RGL2: variants seen among roughly 807,000 people sequenced by gnomAD.
The protein encoded by RGL2 is ral guanine nucleotide dissociation stimulator like 2.
RGL2 carries 40 observed loss-of-function variants against 84.6 expected under a neutral mutation model. The observed-to-expected ratio is 0.47, with a 90% CI of 0.37 to 0.62. RGL2 has a LOEUF of 0.62. Ranked by LOEUF, RGL2 falls within the 20% of genes least tolerant of loss-of-function variation. The pLI is 0.00. For synonymous variants in RGL2, 369 were observed against 417.3 expected, an observed-to-expected ratio of 0.88 and a Z score of 1.41; for missense variants, 865 against 1,019.7, an observed-to-expected ratio of 0.85 and a Z score of 2.07.
Position 33,295,570 on chromosome 6 carries a change from T to C in RGL2, c.958A>G (p.Ile320Val). Residue 320 changes from isoleucine to valine, a missense_variant, in exon 7 of 18, where the codon ATA becomes GTA. Transcript: ENST00000497454. This position sits in a 1 kb window ranked among gnomAD's most constrained non-coding sequence, Gnocchi z 7.2. The stretch of plus-strand genomic sequence containing the variant: ...CTCTGTGGGGGACGGAGTGGCCGTA[T>C]GGTCACCTCCCCAGGTCCCTCTCCA... Reference protein sequence around the residue: ...STGEGPGEVTIRPLRPPQRAR... With the variant: ...STGEGPGEVTVRPLRPPQRAR... 1.2e-6 allele frequency: 2 copies of C among 1,613,958 alleles called. No individual in the cohort carries two copies. Among genetic ancestry groups the C allele is most frequent in the South Asian group, 1.1e-5 (1 of 91,090 alleles).
At position 33,298,696 on chromosome 6, in the gene RGL2, G is replaced by C. The variant is rs1281611123; in HGVS notation, c.-41-45C>G. 2.3e-5 allele frequency: 21 copies of C among 923,398 alleles called. No individual in the cohort carries two copies. Among genetic ancestry groups the C allele is most frequent in the African/African-American group, 5.3e-5 (3 of 56,754 alleles). 57.2% of individuals were successfully genotyped at this position (923,398 alleles called of 1,614,324 possible). A position where few individuals can be genotyped will look rare whatever the true frequency, so the allele number is the denominator to read the frequency against. ...GGTGGGGGTGGAGAGTCAGGCAGGC[G>C]CGGGGGAACCGGGCAGGGAAGGGAC... On this transcript the variant is annotated intron_variant, in intron 1 of 17. Coordinates refer to ENST00000497454, the MANE Select transcript of RGL2 (RefSeq NM_004761.5). This position sits in a 1 kb window ranked among gnomAD's most constrained non-coding sequence, Gnocchi z 4.8.
In RGL2 at chr6:33,291,921, C is replaced by A; in HGVS notation, c.*181G>T. 1 of 656,100 alleles carries A rather than the reference C, an allele frequency of 1.5e-6. No individual in the cohort carries two copies. Among genetic ancestry groups the A allele is most frequent in the Non-Finnish European group, 2.6e-6 (1 of 379,154 alleles). The allele number at this position is 656,100 out of a possible 1,614,324, so 40.6% of individuals were successfully genotyped here. ...AGGTATCCAACTTGGTTATAAGACA[C>A]CAGTTCCCACAGGGCTGGATTTCTC... is the stretch of plus-strand genomic sequence containing the variant. On this transcript the variant is annotated 3_prime_UTR_variant, in exon 18 of 18. Coordinates refer to ENST00000497454, the MANE Select transcript of RGL2 (RefSeq NM_004761.5).
rs58283032 is a variant in RGL2 at position 33,294,788 on chromosome 6, G to A, written c.1279-26C>T. The A allele has an allele frequency of 0.011, 17,785 of 1,611,672 alleles. 1,567 individuals are homozygous for A. The African/African-American group carries it at 0.2, about 18-fold the overall frequency. ...CTGAAGTCAGGGGTCAGGGTCAGAA[G>A]TGCCTGCCATTGACGTGAGGGCCCT... On this transcript the variant is annotated intron_variant, in intron 10 of 17. Coordinates refer to ENST00000497454, the MANE Select transcript of RGL2 (RefSeq NM_004761.5). This position sits in a 1 kb window ranked among gnomAD's most constrained non-coding sequence, Gnocchi z 5.0.
In RGL2 at chr6:33,293,528, C is replaced by A; in HGVS notation, c.1605-4G>T. The A allele has an allele frequency of 6.2e-7, 1 of 1,613,328 alleles. No individual in the cohort carries two copies. Among genetic ancestry groups the A allele is most frequent in the Non-Finnish European group, 8.5e-7 (1 of 1,179,602 alleles). Reference sequence around the variant, plus strand: ...GACCCCAACAGAGCCCAAAACCCTGCAGTGGCAGGAGATTGGGAGGATCAG... The same window carrying A: ...GACCCCAACAGAGCCCAAAACCCTGAAGTGGCAGGAGATTGGGAGGATCAG... On this transcript the variant is annotated splice_region_variant and splice_polypyrimidine_tract_variant and intron_variant, in intron 14 of 17. Transcript: ENST00000497454. This position sits in a 1 kb window ranked among gnomAD's most constrained non-coding sequence, Gnocchi z 7.0.
rs1199899458 is a variant in RGL2, at chr6:33,296,815, C to T, written c.241-39G>A. 1 of 1,611,086 alleles carries T rather than the reference C, an allele frequency of 6.2e-7. No homozygotes were observed. The highest frequency in any genetic ancestry group is 8.5e-7 in the Non-Finnish European group (1 of 1,177,490). Reference sequence around the variant, plus strand: ...AGAGATGATCGCTAACCCTTTCTCCCACTCTGCACCTAGATTTCTGAGGAC... The same window carrying T: ...AGAGATGATCGCTAACCCTTTCTCCTACTCTGCACCTAGATTTCTGAGGAC... On this transcript the variant is annotated intron_variant, in intron 3 of 17. Coordinates refer to ENST00000497454, the MANE Select transcript of RGL2 (RefSeq NM_004761.5). This position sits in a 1 kb window ranked among gnomAD's most constrained non-coding sequence, Gnocchi z 5.0.
upstream of RGL2, chr6:33,301,161 C>T (rs531146303): frequency 3.4e-4 from 52 of 152,448 alleles, 2 homozygotes; most frequent in South Asian, 1.9e-3. Flanking sequence ...AACCCACATA[C>T]CCAAAAGCTT....
Position 33,292,271 on chromosome 6 carries a change from T to A in RGL2, c.2165A>T (p.Asp722Val). 6.2e-7 allele frequency: 1 copy of A among 1,614,164 alleles called. No homozygotes were observed. Among genetic ancestry groups the A allele is most frequent in the South Asian group, 1.1e-5 (1 of 91,082 alleles). ...PASANVFYAM[D>V]GASHDFLLRQ... The stretch of plus-strand genomic sequence containing the variant: ...CAGGAGGAAATCGTGTGAAGCTCCA[T>A]CCATGGCGTAGAATACATTAGCCGA... Residue 722 changes from aspartate to valine, a missense_variant, in exon 18 of 18, where the codon GAT becomes GTT. By Grantham distance (152) the Asp-to-Val change is radical (BLOSUM62 -3). This residue lies in a region of RGL2 where 302 missense variants were observed against 327.9 expected (regional missense o/e 0.92). Coordinates refer to ENST00000497454, the MANE Select transcript of RGL2 (RefSeq NM_004761.5).
rs1458814081 is a variant in RGL2 at position 33,294,195 on chromosome 6, T to C, written c.1354-129A>G. The C allele has an allele frequency of 9.1e-7, 1 of 1,095,806 alleles. No homozygotes were observed. The highest frequency in any genetic ancestry group is 1.3e-6 in the Non-Finnish European group (1 of 756,980). 67.9% of individuals were successfully genotyped at this position (1,095,806 alleles called of 1,614,324 possible). On this transcript the variant is annotated intron_variant, in intron 11 of 17. Transcript: ENST00000497454. This position sits in a 1 kb window ranked among gnomAD's most constrained non-coding sequence, Gnocchi z 5.0. ...ACCACTTCCCTCCAGCCTCTCTGAC[T>C]CTTCGATCCCTCCCTGCCTTCCTCC...
At position 33,295,685 on chromosome 6, in the gene RGL2, A is replaced by G; in HGVS notation, c.843T>C (p.Ser281=). ...TAGCTCGGACAGATGGGCAGAGGTG[A>G]GAATGTCCTGGCCGGTCTCTGTGAC... ...LWGHRDRPGH[S]HLCPSVRATV... is the part of the protein sequence containing the mutation. Residue 281 remains serine, a synonymous_variant, in exon 7 of 18, where the codon TCT becomes TCC. Coordinates refer to ENST00000497454, the MANE Select transcript of RGL2 (RefSeq NM_004761.5). This position sits in a 1 kb window ranked among gnomAD's most constrained non-coding sequence, Gnocchi z 7.2. 1 of 1,613,788 alleles carries G rather than the reference A, an allele frequency of 6.2e-7. No homozygotes were observed. The highest frequency in any genetic ancestry group is 8.5e-7 in the Non-Finnish European group (1 of 1,180,024).
In RGL2 at chr6:33,294,199, C is replaced by A; in HGVS notation, c.1354-133G>T. Reference sequence around the variant, plus strand: ...CTTCCCTCCAGCCTCTCTGACTCTTCGATCCCTCCCTGCCTTCCTCCTCAA... The same window carrying A: ...CTTCCCTCCAGCCTCTCTGACTCTTAGATCCCTCCCTGCCTTCCTCCTCAA... On this transcript the variant is annotated intron_variant, in intron 11 of 17. Transcript: ENST00000497454. This position sits in a 1 kb window ranked among gnomAD's most constrained non-coding sequence, Gnocchi z 5.0. The A allele has an allele frequency of 9.6e-7, 1 of 1,042,164 alleles. No homozygotes were observed. The highest frequency in any genetic ancestry group is 1.4e-6 in the Non-Finnish European group (1 of 710,000). The allele number at this position is 1,042,164 out of a possible 1,614,324, so 64.6% of individuals were successfully genotyped here. A position where few individuals can be genotyped will look rare whatever the true frequency, so the allele number is the denominator to read the frequency against.
In RGL2 at chr6:33,296,167, T is replaced by G. The variant is rs115737063; in HGVS notation, c.629A>C (p.Asn210Thr). The G allele has an allele frequency of 1.2e-5, 19 of 1,613,738 alleles. No individual in the cohort carries two copies. Among genetic ancestry groups the G allele is most frequent in the Non-Finnish European group, 1.5e-5 (18 of 1,179,972 alleles). ...CTGGGGGTCCACCCGGGACCGGAGA[T>G]TGCGGATGAGGTCAGCGCTGCCCCC... Reference protein sequence around the residue: ...VGGGSADLIRNLRSRVDPQAP... With the variant: ...VGGGSADLIRTLRSRVDPQAP... Residue 210 changes from asparagine to threonine, a missense_variant, in exon 6 of 18, where the codon AAT becomes ACT. Physicochemically the swap from Asn to Thr is moderately conservative, Grantham distance 65. This residue lies in a region of RGL2 where 455 missense variants were observed against 507.8 expected (regional missense o/e 0.90). Coordinates refer to ENST00000497454, the MANE Select transcript of RGL2 (RefSeq NM_004761.5). The surrounding 1 kb of genome is among the most constrained non-coding windows in gnomAD (Gnocchi z 5.0).
Position 33,293,456 on chromosome 6 carries a change from T to C in RGL2, c.1673A>G (p.Glu558Gly). ...SCDRPSTGGD[E>G]APTTPAPLLT... Reference sequence around the variant, plus strand: ...CAGAGGAGCAGGAGTTGTAGGCGCCTCATCTCCCCCAGTACTGGGCCGGTC... The same window carrying C: ...CAGAGGAGCAGGAGTTGTAGGCGCCCCATCTCCCCCAGTACTGGGCCGGTC... Residue 558 changes from glutamate (E) to glycine (G), a missense_variant, in exon 15 of 18, where the codon GAG (glutamate) becomes GGG (glycine). This residue lies in a region of RGL2 where 302 missense variants were observed against 327.9 expected (regional missense o/e 0.92). Coordinates refer to ENST00000497454, the MANE Select transcript of RGL2 (RefSeq NM_004761.5). The surrounding 1 kb of genome is among the most constrained non-coding windows in gnomAD (Gnocchi z 7.0). 1.9e-6 allele frequency: 3 copies of C among 1,613,998 alleles called. No homozygotes were observed. Among genetic ancestry groups the C allele is most frequent in the Non-Finnish European group, 2.5e-6 (3 of 1,179,950 alleles).
chr6:33,296,223 C>T lies in RGL2; in HGVS notation c.573G>A (p.Gln191=), dbSNP rs1767940835. 1.2e-6 allele frequency: 2 copies of T among 1,613,966 alleles called. No individual in the cohort carries two copies. Among genetic ancestry groups the T allele is most frequent in the East Asian group, 2.2e-5 (1 of 44,876 alleles). The change falls in exon 6 of 18, where the codon CAG becomes CAA. Residue 191 remains glutamine (Q), a synonymous_variant. Coordinates refer to ENST00000497454, the MANE Select transcript of RGL2 (RefSeq NM_004761.5). This position sits in a 1 kb window ranked among gnomAD's most constrained non-coding sequence, Gnocchi z 5.0. ...QLDRLESFLL[Q]TGYAAGKGVG... is the part of the protein sequence containing the mutation. ...CACCCTTCCCTGCTGCATACCCTGT[C>T]TGAAGTAAGAAGCTCTCAAGCCGGT... is the stretch of plus-strand genomic sequence containing the variant.
Position 33,296,496 on chromosome 6 carries a change from T to G in RGL2, c.420-32A>C. On this transcript the variant is annotated intron_variant, in intron 4 of 17. Coordinates refer to ENST00000497454, the MANE Select transcript of RGL2 (RefSeq NM_004761.5). The surrounding 1 kb of genome is among the most constrained non-coding windows in gnomAD (Gnocchi z 5.0). ...GGGAGAAGAGGATCTATCTGTCCAT[T>G]TTTCCCAAACCCTCAGTGGCTTTGA... 1 of 1,591,130 alleles carries G rather than the reference T, an allele frequency of 6.3e-7. No homozygotes were observed. Among genetic ancestry groups the G allele is most frequent in the Non-Finnish European group, 8.5e-7 (1 of 1,169,616 alleles).
At position 33,295,840 on chromosome 6, in the gene RGL2, T is replaced by A; in HGVS notation, c.769-81A>T. The A allele has an allele frequency of 6.5e-7, 1 of 1,530,834 alleles. No individual in the cohort carries two copies. The highest frequency in any genetic ancestry group is 8.9e-7 in the Non-Finnish European group (1 of 1,122,116). 94.8% of individuals were successfully genotyped at this position (1,530,834 alleles called of 1,614,324 possible). ...ATATCAGGGATCTGAGGATCTCAGGTGGCCAAGGAACCAGAGGGGCACAGG... is the reference window on the plus strand; with the variant it reads ...ATATCAGGGATCTGAGGATCTCAGGAGGCCAAGGAACCAGAGGGGCACAGG... On this transcript the variant is annotated intron_variant, in intron 6 of 17. Transcript: ENST00000497454. This position sits in a 1 kb window ranked among gnomAD's most constrained non-coding sequence, Gnocchi z 7.2.
Position 33,296,947 on chromosome 6 carries a change from C to T in RGL2, c.240+85G>A. ...GAGTCCAGGACTCCAGAACTCCAAC[C>T]TAGCACTCTGGCCAGAAAGTCAGCC... On this transcript the variant is annotated intron_variant, in intron 3 of 17. Transcript: ENST00000497454. This position sits in a 1 kb window ranked among gnomAD's most constrained non-coding sequence, Gnocchi z 5.0. 6.6e-7 allele frequency: 1 copy of T among 1,525,180 alleles called. No homozygotes were observed. The highest frequency in any genetic ancestry group is 9.1e-7 in the Non-Finnish European group (1 of 1,099,734). 94.5% of individuals were successfully genotyped at this position (1,525,180 alleles called of 1,614,324 possible). A position where few individuals can be genotyped will look rare whatever the true frequency, so the allele number is the denominator to read the frequency against.
At position 33,295,661 on chromosome 6, in the gene RGL2, A is replaced by T; in HGVS notation, c.867T>A (p.Ala289=). The T allele has an allele frequency of 1.2e-6, 2 of 1,613,944 alleles. No homozygotes were observed. The highest frequency in any genetic ancestry group is 2.2e-5 in the South Asian group (2 of 91,086). The change falls in exon 7 of 18, where the codon GCT becomes GCA. Residue 289 remains alanine, a synonymous_variant. Transcript: ENST00000497454. The surrounding 1 kb of genome is among the most constrained non-coding windows in gnomAD (Gnocchi z 7.2). ...CCACCTTGTTAAACTGTGTGACAGTAGCTCGGACAGATGGGCAGAGGTGAG... is the reference window on the plus strand; with the variant it reads ...CCACCTTGTTAAACTGTGTGACAGTTGCTCGGACAGATGGGCAGAGGTGAG... ...GHSHLCPSVR[A]TVTQFNKVAG...
Position 33,296,797 on chromosome 6 carries a change from A to G in RGL2, c.241-21T>C, listed in dbSNP as rs773461832. 2.5e-6 allele frequency: 4 copies of G among 1,613,818 alleles called. No homozygotes were observed. The highest frequency in any genetic ancestry group is 3.4e-6 in the Non-Finnish European group (4 of 1,179,936). ...GGGACCTGGAGAACACAGAGAGATG[A>G]TCGCTAACCCTTTCTCCCACTCTGC... On this transcript the variant is annotated intron_variant, in intron 3 of 17. Coordinates refer to ENST00000497454, the MANE Select transcript of RGL2 (RefSeq NM_004761.5). This position sits in a 1 kb window ranked among gnomAD's most constrained non-coding sequence, Gnocchi z 5.0.
rs1295334184 is a variant in RGL2 at position 33,293,156 on chromosome 6, G to T, written c.1867C>A (p.Pro623Thr). 6.2e-7 allele frequency: 1 copy of T among 1,609,332 alleles called. No homozygotes were observed. Reference sequence around the variant, plus strand: ...GCCTCTTCTGCACCCCCACTCAGCGGGGAGCCACAGGAGGCTGAGCGGCGG... The same window carrying T: ...GCCTCTTCTGCACCCCCACTCAGCGTGGAGCCACAGGAGGCTGAGCGGCGG... ...GHRRSASCGSPLSGGAEEASG... is the reference protein window; with the variant it reads ...GHRRSASCGSTLSGGAEEASG... Residue 623 changes from proline (P) to threonine (T), a missense_variant, in exon 16 of 18, where the codon CCG becomes ACG. Physicochemically the swap from Pro to Thr is conservative, Grantham distance 38. Transcript: ENST00000497454. This position sits in a 1 kb window ranked among gnomAD's most constrained non-coding sequence, Gnocchi z 7.0.
Sources: gnomAD v4.1 joint callset for allele counts on GRCh38, gnomAD v4.1.1 for gene constraint, gnomAD v4.1.1 regional missense constraint, Gnocchi (gnomAD v3.1) non-coding constraint, MANE v1.5 for transcripts, NCBI Gene and HGNC (gene_info 2026-07-23, HGNC 2026-07-21) for gene names.